The following SMAGP variants were observed in gnomAD, a reference collection of about 807,000 sequenced individuals.
SMAGP encodes the protein small cell adhesion glycoprotein, also known as small cell transmembrane and glycosylated protein.
SMAGP carries 7 observed loss-of-function variants against 10.1 expected under a neutral mutation model. The ratio of observed to expected loss-of-function variants is 0.70; its 90% confidence interval spans 0.40 to 1.31. SMAGP has a LOEUF of 1.31. Among genes scored for constraint, SMAGP ranks in the 50% most tolerant of loss-of-function variants. SMAGP has a pLI of 0.01. For synonymous variants in SMAGP, 49 were observed against 47.2 expected (o/e 1.04, Z -0.16); for missense variants, 113 against 116.5 (o/e 0.97, Z 0.14).
intron 2 of SMAGP, among the ~76,000 whole-genome samples, chr12:51,263,534 C>T (rs1029887186): frequency 2.0e-5 from 3 of 152,138 alleles, no homozygotes; most frequent in Admixed American, 2.0e-4. Context: ...GGGAGGATCA[C>T]CTGAGGCCAG....
rs902244434 is a variant in SMAGP, at chr12:51,245,860, T to C, written c.*81A>G. On this transcript the variant is annotated 3_prime_UTR_variant, in exon 4 of 4. Transcript: ENST00000603798. ...ACATCAATCAATGCTTCTCCCTGGC[T>C]TCAGAGAAAACTTTCCCATAATAAG... 4.7e-6 allele frequency: 7 copies of C among 1,487,416 alleles called. No homozygotes were observed. In the African/African-American group the frequency reaches 9.8e-5, roughly 21 times the overall value. 92.1% of individuals were successfully genotyped at this position (1,487,416 alleles called of 1,614,324 possible). A position where few individuals can be genotyped will look rare whatever the true frequency, so the allele number is the denominator to read the frequency against.
chr12:51,268,222 G>A (rs754632495), intron 2 of SMAGP, among the ~76,000 whole-genome samples: 8 of 151,960 alleles, frequency 5.3e-5, no homozygotes, highest in Non-Finnish European at 1.2e-4. Flanking sequence ...AGGGAAAGAT[G>A]GGTTTCTAAC....
At chr12:51,268,132 C>A (rs972318732) in intron 2 of SMAGP, among the ~76,000 whole-genome samples, 1 of 152,118 alleles carries the variant, frequency 6.6e-6, no homozygotes, top group African/African-American at 2.4e-5. Context: ...CTCCGCACAC[C>A]TTCAGGGAAC....
intron 1 of SMAGP, 123 bp from the exon 2 acceptor site, chr12:51,269,439 C>T (rs1565662180): frequency 1.4e-6 from 1 of 689,996 alleles, no homozygotes; most frequent in Non-Finnish European, 2.5e-6. Flanking sequence ...TTTCTCTTGT[C>T]CTCTTCTGGT....
intron 2 of SMAGP, among the ~76,000 whole-genome samples, chr12:51,252,823 T>A (rs1425650295): frequency 2.3e-5 from 3 of 128,950 alleles, no homozygotes; most frequent in Non-Finnish European, 5.5e-5. Context: ...CTGTTTCCTA[T>A]CAAAGAGAAT....
chr12:51,250,966 G>A (rs185295656), intron 2 of SMAGP, among the ~76,000 whole-genome samples: 1 of 151,774 alleles, frequency 6.6e-6, no homozygotes, highest in Non-Finnish European at 1.5e-5. Context: ...TCCCCAAATC[G>A]CCCAGGGCTG....
At chr12:51,257,989 C>CA (rs1016392885) in intron 2 of SMAGP, among the ~76,000 whole-genome samples, 5 of 151,310 alleles carry the variant, frequency 3.3e-5, no homozygotes, top group South Asian at 2.1e-4. Flanking sequence ...TCCATCTCTA[C>CA]AAAAAAAATA....
intron 2 of SMAGP, among the ~76,000 whole-genome samples, chr12:51,251,930 G>A (rs1048362240): frequency 6.6e-6 from 1 of 152,124 alleles, no homozygotes; most frequent in Non-Finnish European, 1.5e-5. Context: ...CATACAGGAA[G>A]ACCTTAAGAA....
intron 2 of SMAGP, among the ~76,000 whole-genome samples, chr12:51,268,334 A>G (rs1035959370): frequency 9.2e-5 from 14 of 152,074 alleles, no homozygotes; most frequent in African/African-American, 3.1e-4. Flanking sequence ...TTCATAAATC[A>G]TAAGATAGGT....
At chr12:51,253,520 A>T (rs1944859303) in intron 2 of SMAGP, 1 of 152,112 alleles carries the variant, frequency 6.6e-6, no homozygotes, top group South Asian at 2.1e-4. Flanking sequence ...AGGTGAAATA[A>T]CCCAAATGTC....
intron 2 of SMAGP, among the ~76,000 whole-genome samples, chr12:51,250,679 G>A (rs935639241): frequency 1.3e-4 from 20 of 152,046 alleles, no homozygotes; most frequent in African/African-American, 3.4e-4. Flanking sequence ...ACCACACCTG[G>A]CAGTACCTCA....
intron 3 of SMAGP, 156 bp from the exon 4 acceptor site, chr12:51,246,275 C>T: frequency 9.3e-7 from 1 of 1,081,034 alleles, no homozygotes; most frequent in South Asian, 1.7e-5. Flanking sequence ...CCCCACCAAC[C>T]CCAATTTCCA....
intron 2 of SMAGP, among the ~76,000 whole-genome samples, chr12:51,257,798 G>C (rs1243533761): frequency 2.0e-5 from 3 of 151,924 alleles, no homozygotes. Flanking sequence ...GCCTGTCTTG[G>C]CCTCTCAAAG....
chr12:51,259,257 G>T (rs1425356215), intron 2 of SMAGP, among the ~76,000 whole-genome samples: 1 of 152,140 alleles, frequency 6.6e-6, no homozygotes, highest in Non-Finnish European at 1.5e-5. Context: ...TGCAGATCCT[G>T]CAGACCCAGG....
intron 1 of SMAGP, 174 bp downstream of exon 1, chr12:51,270,082 G>A (rs934544646): frequency 6.6e-6 from 1 of 151,932 alleles, no homozygotes; most frequent in Non-Finnish European, 1.5e-5. Context: ...AGCGCGCTGC[G>A]CTGGGGGCGG....
intron 2 of SMAGP, among the ~76,000 whole-genome samples, chr12:51,264,879 C>T (rs886229146): frequency 2.0e-5 from 3 of 148,722 alleles, no homozygotes; most frequent in Non-Finnish European, 4.4e-5. Flanking sequence ...TTGCAGTGAG[C>T]CGAGATGGTG....
chr12:51,252,965 GA>G (rs1189542846), intron 2 of SMAGP, among the ~76,000 whole-genome samples: 1 of 152,124 alleles, frequency 6.6e-6, no homozygotes, highest in African/African-American at 2.4e-5. Flanking sequence ...GGCACTGCAA[GA>G]ACTTGTAAAT....
At chr12:51,259,397 A>T in intron 2 of SMAGP, among the ~76,000 whole-genome samples, 1 of 151,094 alleles carries the variant, frequency 6.6e-6, no homozygotes, top group East Asian at 2.0e-4. Context: ...TACAGGTGTG[A>T]GCCACTGCGC....
chr12:51,253,497 A>G (rs939812560), intron 2 of SMAGP: 1 of 152,148 alleles, frequency 6.6e-6, no homozygotes, highest in African/African-American at 2.4e-5. Context: ...GCATTATGCA[A>G]TAGCTAAATA....
Sources: allele counts gnomAD v4.1 joint callset (sites outside exome capture counted in the v4.1 genomes callset), GRCh38; gene constraint gnomAD v4.1.1; transcripts MANE v1.5; gene names NCBI Gene and HGNC (gene_info 2026-07-23, HGNC 2026-07-21).